The following SUFU variants were observed in gnomAD, a reference collection of about 807,000 sequenced individuals.
The protein encoded by SUFU is SUFU negative regulator of hedgehog signaling.
SUFU carries 7 observed loss-of-function variants against 58.9 expected under a neutral mutation model. The observed-to-expected ratio is 0.12, with a 90% CI of 0.07 to 0.22. The LOEUF (loss-of-function observed/expected upper bound fraction) is 0.22, where lower values mean the gene tolerates loss of function less well. Ranked by LOEUF, SUFU falls within the 10% of genes least tolerant of loss-of-function variation. SUFU has a pLI of 1.00. For missense variants in SUFU, 451 were observed against 641.3 expected (o/e 0.70, Z 3.20); for synonymous variants, 232 against 254.8 (o/e 0.91, Z 0.85).
Position 102,509,184 on chromosome 10 carries a change from C to T in SUFU, c.198C>T (p.Asp66=), listed in dbSNP as rs189500468. The T allele has an allele frequency of 1.1e-4, 178 of 1,614,148 alleles. No individual in the cohort carries two copies. Among genetic ancestry groups the T allele is most frequent in the African/African-American group, 9.6e-4 (72 of 75,042 alleles). ...AIVKYWLGGP[D]PLDYVSMYRN... is the part of the protein sequence containing the mutation. ...TTTTTTGCAGGTTGGGTGGCCCAGACCCCTTGGACTATGTTAGCATGTACA... is the reference window on the plus strand; with the variant it reads ...TTTTTTGCAGGTTGGGTGGCCCAGATCCCTTGGACTATGTTAGCATGTACA... Residue 66 remains aspartate (D), a synonymous_variant, in exon 2 of 12, where the codon GAC becomes GAT. Transcript: ENST00000369902.
intron 3 of SUFU, among the ~76,000 whole-genome samples, chr10:102,556,478 C>T (rs1271673875): frequency 6.6e-6 from 1 of 152,188 alleles, no homozygotes; most frequent in Admixed American, 6.6e-5. Flanking sequence ...CATGGTGCCT[C>T]AGGCCTGTAA....
At chr10:102,550,798 A>G (rs1439391459) in intron 3 of SUFU, among the ~76,000 whole-genome samples, 1 of 149,980 alleles carries the variant, frequency 6.7e-6, no homozygotes, top group Non-Finnish European at 1.5e-5. Context: ...CTGGAGTGCA[A>G]TGGCGCAATC....
chr10:102,506,482 G>A (rs113451617), intron 1 of SUFU, among the ~76,000 whole-genome samples: 26,391 of 151,996 alleles, frequency 0.17, 2,852 homozygotes, highest in Middle Eastern at 0.28. Flanking sequence ...GGTTTCAAGC[G>A]ATTCTCGTGC....
intron 3 of SUFU, among the ~76,000 whole-genome samples, chr10:102,583,470 TAGAGTC>T (rs1258082306): frequency 1.3e-5 from 2 of 152,208 alleles, no homozygotes; most frequent in Non-Finnish European, 2.9e-5. Flanking sequence ...TTTCTTGCCT[TAGAGTC>T]TCCCTTTCCC....
intron 2 of SUFU, among the ~76,000 whole-genome samples, chr10:102,538,715 T>C (rs973876189): frequency 6.6e-6 from 1 of 152,122 alleles, no homozygotes; most frequent in Non-Finnish European, 1.5e-5. Context: ...TGAACCTACG[T>C]TGACACATCA....
chr10:102,598,278 A>G (rs1590066975), intron 7 of SUFU, among the ~76,000 whole-genome samples: 2 of 152,112 alleles, frequency 1.3e-5, no homozygotes, highest in East Asian at 3.9e-4. Context: ...TCAGCATCCC[A>G]AGTAGCTGGG....
chr10:102,578,506 G>A (rs530231086), intron 3 of SUFU, among the ~76,000 whole-genome samples: 1 of 151,812 alleles, frequency 6.6e-6, no homozygotes, highest in African/African-American at 2.4e-5. Context: ...TCAAGAGATT[G>A]AGAACATCCT....
intron 2 of SUFU, among the ~76,000 whole-genome samples, chr10:102,516,125 CT>C (rs60544094): frequency 2.2e-4 from 28 of 125,572 alleles, no homozygotes; most frequent in Middle Eastern, 4.5e-3. Context: ...TCTTTCTTTT[CT>C]TTTTTTTTTT....
At chr10:102,543,638 ATTTG>A (rs1480170792) in intron 2 of SUFU, among the ~76,000 whole-genome samples, 1 of 152,164 alleles carries the variant, frequency 6.6e-6, no homozygotes, top group African/African-American at 2.4e-5. Flanking sequence ...TTCCCCATAG[ATTTG>A]TCCATTCTGG....
chr10:102,612,133 T>C (rs1187373774), intron 8 of SUFU, among the ~76,000 whole-genome samples: 1 of 152,150 alleles, frequency 6.6e-6, no homozygotes. Context: ...TCTGCATCGA[T>C]GTCCAGAAGA....
chr10:102,565,292 A>G (rs573025384), intron 3 of SUFU, among the ~76,000 whole-genome samples: 3 of 152,190 alleles, frequency 2.0e-5, no homozygotes, highest in Non-Finnish European at 4.4e-5. Flanking sequence ...CTGAATAACA[A>G]CTCAGGTGGA....
intron 5 of SUFU, 113 bp downstream of exon 5, chr10:102,593,834 T>G: frequency 7.2e-7 from 1 of 1,383,266 alleles, no homozygotes; most frequent in Non-Finnish European, 1.0e-6. Flanking sequence ...CCCTGGTTTT[T>G]CACATCAGGG....
intron 8 of SUFU, among the ~76,000 whole-genome samples, chr10:102,608,860 A>C (rs960721632): frequency 6.6e-6 from 1 of 152,212 alleles, no homozygotes; most frequent in African/African-American, 2.4e-5. Context: ...CTAATCTGAG[A>C]TGGGACATAT....
intron 6 of SUFU, among the ~76,000 whole-genome samples, chr10:102,595,324 C>G (rs2063449994): frequency 6.6e-6 from 1 of 152,224 alleles, no homozygotes; most frequent in South Asian, 2.1e-4. Flanking sequence ...CTCTGTTTTC[C>G]TAGTGCCTTT....
chr10:102,588,122 C>G (rs1433297565), intron 3 of SUFU, among the ~76,000 whole-genome samples: 3 of 152,066 alleles, frequency 2.0e-5, no homozygotes, highest in Non-Finnish European at 4.4e-5. Context: ...ACAGGCTGGG[C>G]GCAGTGGCTC....
At chr10:102,580,458 C>A (rs768902251) in intron 3 of SUFU, among the ~76,000 whole-genome samples, 5 of 152,054 alleles carry the variant, frequency 3.3e-5, no homozygotes, top group Non-Finnish European at 7.4e-5. Context: ...GTGGGTCTTG[C>A]GTCATTACTC....
At chr10:102,580,996 A>G (rs2063271121) in intron 3 of SUFU, among the ~76,000 whole-genome samples, 1 of 151,936 alleles carries the variant, frequency 6.6e-6, no homozygotes, top group Admixed American at 6.6e-5. Flanking sequence ...AGCCTGGCCA[A>G]CATGGCAAAA....
At chr10:102,579,302 G>A (rs958147680) in intron 3 of SUFU, among the ~76,000 whole-genome samples, 23 of 152,200 alleles carry the variant, frequency 1.5e-4, no homozygotes, top group African/African-American at 5.5e-4. Flanking sequence ...TGAGTGTCAG[G>A]TCCACAGTCT....
intron 10 of SUFU, among the ~76,000 whole-genome samples, chr10:102,624,549 T>G (rs925689236): frequency 6.6e-6 from 1 of 152,198 alleles, no homozygotes; most frequent in African/African-American, 2.4e-5. Context: ...ACGTGAAGTT[T>G]CCAGCGGGAA....
Sources: gnomAD v4.1 joint callset for allele counts (sites outside exome capture counted in the v4.1 genomes callset) on GRCh38, gnomAD v4.1.1 for gene constraint, MANE v1.5 for transcripts, NCBI Gene and HGNC (gene_info 2026-07-23, HGNC 2026-07-21) for gene names.